CTNNA3: variants seen among roughly 807,000 people sequenced by gnomAD.
The protein encoded by CTNNA3 is catenin alpha-3.
A neutral mutation model predicts 95.7 loss-of-function variants in CTNNA3; 76 were observed. The observed-to-expected ratio is 0.79, with a 90% CI of 0.66 to 0.96. CTNNA3 has a LOEUF of 0.96. Among genes scored for constraint, CTNNA3 ranks in the 40% least tolerant of loss-of-function variants. The pLI is 0.00. For synonymous variants in CTNNA3, 431 were observed against 374.4 expected, an observed-to-expected ratio of 1.15 and a Z score of -1.74; for missense variants, 1,191 against 1,089.8, an observed-to-expected ratio of 1.09 and a Z score of -1.31.
chr10:66,210,618 C>T (rs1479165789), intron 13 of CTNNA3, among the ~76,000 whole-genome samples: 2 of 151,752 alleles, frequency 1.3e-5, no homozygotes, highest in South Asian at 4.2e-4. Flanking sequence ...CTTACTTTTA[C>T]AGAAATTTAA....
intron 9 of CTNNA3, among the ~76,000 whole-genome samples, chr10:66,647,605 G>A (rs1246783105): frequency 6.6e-6 from 1 of 151,418 alleles, no homozygotes; most frequent in Admixed American, 6.6e-5. Context: ...CCGCCTCCTG[G>A]GTTCAGGCCA....
chr10:67,229,552 C>A (rs1025821023), intron 5 of CTNNA3, among the ~76,000 whole-genome samples: 1 of 152,102 alleles, frequency 6.6e-6, no homozygotes, highest in Non-Finnish European at 1.5e-5. Context: ...ATGATATGAT[C>A]GTTTACCTTG....
chr10:67,659,909 C>CA (rs903470182), intron 1 of CTNNA3, among the ~76,000 whole-genome samples: 14 of 152,060 alleles, frequency 9.2e-5, no homozygotes, highest in Non-Finnish European at 2.1e-4. Context: ...AATGTGAAGC[C>CA]AAAAAATTCC....
At chr10:65,962,007 A>C (rs2077854862) in intron 17 of CTNNA3, among the ~76,000 whole-genome samples, 1 of 152,156 alleles carries the variant, frequency 6.6e-6, no homozygotes, top group Non-Finnish European at 1.5e-5. Context: ...TAGACCGCCC[A>C]TTCGCAGACT....
intron 10 of CTNNA3, among the ~76,000 whole-genome samples, chr10:66,526,686 T>C (rs1354249521): frequency 6.6e-6 from 1 of 152,194 alleles, no homozygotes; most frequent in Non-Finnish European, 1.5e-5. Context: ...TATGTTTGCA[T>C]TTCCCTAATG....
intron 7 of CTNNA3, among the ~76,000 whole-genome samples, chr10:66,912,682 A>AT (rs1226783963): frequency 5.9e-5 from 9 of 152,000 alleles, no homozygotes; most frequent in African/African-American, 2.2e-4. Flanking sequence ...AGTAAAAAAT[A>AT]TTTTTTCCTA....
At chr10:67,477,202 G>C (rs1390556780) in intron 5 of CTNNA3, among the ~76,000 whole-genome samples, 1 of 151,844 alleles carries the variant, frequency 6.6e-6, no homozygotes, top group Non-Finnish European at 1.5e-5. Context: ...CAGACAACTT[G>C]GATCCAAGGA....
intron 5 of CTNNA3, among the ~76,000 whole-genome samples, chr10:67,426,576 T>C (rs1807237729): frequency 6.6e-6 from 1 of 152,082 alleles, no homozygotes; most frequent in Admixed American, 6.6e-5. Context: ...AAACACCGCA[T>C]GTTCTCACTC....
At chr10:67,706,504 A>G (rs188643674) in intron 1 of CTNNA3, among the ~76,000 whole-genome samples, 141 of 152,278 alleles carry the variant, frequency 9.3e-4, no homozygotes, top group Admixed American at 4.6e-3. Flanking sequence ...AACAAGGCCA[A>G]CTACTTCCTC....
rs142726369 is a variant in CTNNA3 at position 67,730,490 on chromosome 10, A to G, written c.-2+32944T>C. ...CCCTTTCTGAGGAAGCTGCTGGGGT[A>G]CACGCTTCTCTAAACTAAGAAAGTA... On this transcript the variant is annotated intron_variant, in intron 1 of 17. Coordinates refer to the CTNNA3 transcript ENST00000684154. Among the ~76,000 whole-genome samples, 451 of 152,290 alleles carry G rather than the reference A, an allele frequency of 3.0e-3. 4 individuals carry two copies. The highest frequency in any genetic ancestry group is 0.01 in the African/African-American group (427 of 41,552).
chr10:66,648,778 A>T (rs964597025), intron 9 of CTNNA3, among the ~76,000 whole-genome samples: 5 of 152,164 alleles, frequency 3.3e-5, no homozygotes, highest in South Asian at 2.1e-4. Flanking sequence ...TTAGATGAGG[A>T]CAGAAGTTCT....
At chr10:66,723,422 C>A (rs1325144689) in intron 9 of CTNNA3, among the ~76,000 whole-genome samples, 1 of 152,082 alleles carries the variant, frequency 6.6e-6, no homozygotes, top group Admixed American at 6.6e-5. Flanking sequence ...TAAATTGTAC[C>A]CTTGTGCACA....
chr10:67,728,119 A>C (rs1052910741), intron 1 of CTNNA3, among the ~76,000 whole-genome samples: 1 of 144,870 alleles, frequency 6.9e-6, no homozygotes, highest in Non-Finnish European at 1.5e-5. Flanking sequence ...ACATAGGTGT[A>C]TATATAACAC....
intron 5 of CTNNA3, among the ~76,000 whole-genome samples, chr10:67,260,684 T>G (rs1210284065): frequency 4.7e-5 from 4 of 84,884 alleles, no homozygotes. Flanking sequence ...TGTTTTTTTG[T>G]TTTTTTTTTG....
chr10:66,014,501 C>T (rs921947293), intron 15 of CTNNA3, among the ~76,000 whole-genome samples: 6 of 152,078 alleles, frequency 3.9e-5, no homozygotes, highest in African/African-American at 1.4e-4. Flanking sequence ...ATTTATTTCC[C>T]TCTGACAGAG....
chr10:66,087,870 A>T (rs1045772932), intron 14 of CTNNA3, among the ~76,000 whole-genome samples: 4 of 152,130 alleles, frequency 2.6e-5, no homozygotes, highest in Admixed American at 6.6e-5. Flanking sequence ...ATGAAAGAAT[A>T]TTTAGCCAGT....
intron 10 of CTNNA3, among the ~76,000 whole-genome samples, chr10:66,584,004 G>C (rs1373937052): frequency 1.3e-5 from 2 of 151,552 alleles, no homozygotes; most frequent in African/African-American, 2.4e-5. Context: ...GTTCCTTTTG[G>C]AATCGATTCC....
intron 10 of CTNNA3, among the ~76,000 whole-genome samples, chr10:66,535,457 A>G (rs761788029): frequency 3.3e-5 from 5 of 152,198 alleles, no homozygotes; most frequent in African/African-American, 1.2e-4. Context: ...TGTAAATTAG[A>G]TTGAGTAGTA....
chr10:67,513,850 C>G (rs1322029933), intron 5 of CTNNA3, among the ~76,000 whole-genome samples: 1 of 152,154 alleles, frequency 6.6e-6, no homozygotes, highest in East Asian at 1.9e-4. Context: ...CTCTTGGTTT[C>G]AGGATACAAA....
Sources: allele counts gnomAD v4.1 joint callset (sites outside exome capture counted in the v4.1 genomes callset), GRCh38; gene constraint gnomAD v4.1.1; transcripts MANE v1.5; gene names NCBI Gene and HGNC (gene_info 2026-07-23, HGNC 2026-07-21).